Variants in NOS3 observed in about 807,000 individuals in gnomAD.
NOS3 encodes the protein NOS type III.
Under a neutral mutation model 144.9 loss-of-function variants are expected in NOS3, and 98 were observed. The ratio of observed to expected loss-of-function variants is 0.68; its 90% CI spans 0.57 to 0.80. The LOEUF (loss-of-function observed/expected upper bound fraction) is 0.80. Ranked by LOEUF, NOS3 falls within the 30% of genes least tolerant of loss-of-function variation. NOS3 has a pLI of 0.00. For synonymous variants in NOS3, 714 were observed against 702.4 expected (o/e 1.02, Z -0.26); for missense variants, 1,465 against 1,656.4 (o/e 0.88, Z 2.01).
chr7:150,999,164 C>T (rs374042744), intron 8 of NOS3, 26 bp from the exon 9 acceptor site: 7 of 1,610,154 alleles, frequency 4.3e-6, no homozygotes, highest in African/African-American at 4.0e-5. Flanking sequence ...CAAGGGGGTG[C>T]TGATCCCACA....
chr7:150,993,033 G>GC lies in NOS3; in HGVS notation c.-51-716dup, dbSNP rs1802287796. 6.6e-6 allele frequency among the ~76,000 whole-genome samples: 1 copy of GC among 152,154 alleles called. No homozygotes were observed. The highest frequency in any genetic ancestry group is 2.1e-4 in the South Asian group (1 of 4,826). ...GCCCTAGTCTCTCTGCTGACCTGCG[G>GC]CCCCGGGAAGCGTGCGTCACTGAAT... is the stretch of plus-strand genomic sequence containing the variant. On this transcript the variant is annotated intron_variant, in intron 1 of 26. Transcript: ENST00000297494. This position sits in a 1 kb window ranked among gnomAD's most constrained non-coding sequence, Gnocchi z 4.0.
In NOS3 at chr7:150,996,781, C is replaced by T. The variant is rs553156572; in HGVS notation, c.438C>T (p.His146=). 2.0e-5 allele frequency: 32 copies of T among 1,611,726 alleles called. No individual in the cohort carries two copies. Among genetic ancestry groups the T allele is most frequent in the Non-Finnish European group, 2.5e-5 (30 of 1,179,686 alleles). ...SSIKRSGSQA[H]EQRLQEVEAE... ...TCCCCAGGAGCGGCTCCCAGGCCCA[C>T]GAACAGCGGCTTCAAGAGGTGGAAG... The change falls in exon 5 of 27, where the codon CAC becomes CAT. Residue 146 remains histidine, a synonymous_variant. Coordinates refer to ENST00000297494, the MANE Select transcript of NOS3 (RefSeq NM_000603.5).
At chr7:151,004,575 T>C (rs2117124513) in intron 14 of NOS3, among the ~76,000 whole-genome samples, 1 of 152,266 alleles carries the variant, frequency 6.6e-6, no homozygotes, top group South Asian at 2.1e-4. Flanking sequence ...ACTGATAAAT[T>C]GTGGTATATT....
intron 10 of NOS3, among the ~76,000 whole-genome samples, 158 bp downstream of exon 10, chr7:151,000,757 G>A (rs556336222): frequency 3.3e-5 from 5 of 152,286 alleles, no homozygotes; most frequent in South Asian, 4.2e-4. Flanking sequence ...ACTGGCCTGC[G>A]GTTCGGGGAC....
intron 9 of NOS3, among the ~76,000 whole-genome samples, 162 bp from the exon 10 acceptor site, chr7:151,000,336 C>T (rs1018246326): frequency 5.9e-5 from 9 of 152,086 alleles, no homozygotes; most frequent in African/African-American, 1.7e-4. Context: ...GAGGTGCCTT[C>T]GCAGGCAAAA....
rs1468319471 is a variant in NOS3 at position 151,002,418 on chromosome 7, A to T, written c.1752+114A>T. The T allele has an allele frequency of 1.9e-6, 1 of 530,152 alleles. No individual in the cohort carries two copies. Among genetic ancestry groups the T allele is most frequent in the Non-Finnish European group, 3.4e-6 (1 of 293,508 alleles). The allele number at this position is 530,152 out of a possible 1,614,324, so 32.8% of individuals were successfully genotyped here. A position where few individuals can be genotyped will look rare whatever the true frequency, so the allele number is the denominator to read the frequency against. The stretch of plus-strand genomic sequence containing the variant: ...CACACACACACACACACACACACAC[A>T]CACACACACACACACACACACACAC... On this transcript the variant is annotated intron_variant, in intron 14 of 26. Transcript: ENST00000297494. The surrounding 1 kb of genome is among the most constrained non-coding windows in gnomAD (Gnocchi z 4.1).
chr7:151,003,012 T>C lies in NOS3; in HGVS notation c.1752+708T>C. ...GAGTACCATCATTGAATTCCTTCTC[T>C]TGCAAGCTTAGGTATCTCTGAGGTG... is the stretch of plus-strand genomic sequence containing the variant. On this transcript the variant is annotated intron_variant, in intron 14 of 26. Coordinates refer to ENST00000297494, the MANE Select transcript of NOS3 (RefSeq NM_000603.5). This position sits in a 1 kb window ranked among gnomAD's most constrained non-coding sequence, Gnocchi z 4.1. The C allele has an allele frequency of 3.5e-6, 1 of 284,176 alleles. No individual in the cohort carries two copies. Among genetic ancestry groups the C allele is most frequent in the South Asian group, 2.9e-5 (1 of 34,812 alleles). The allele number at this position is 284,176 out of a possible 1,614,324, so 17.6% of individuals were successfully genotyped here. A position where few individuals can be genotyped will look rare whatever the true frequency, so the allele number is the denominator to read the frequency against.
chr7:151,004,483 T>C (rs1046871383), intron 14 of NOS3, among the ~76,000 whole-genome samples: 2 of 152,220 alleles, frequency 1.3e-5, no homozygotes, highest in Non-Finnish European at 2.9e-5. Context: ...ATGGGGTATA[T>C]TCACTAAAAA....
At chr7:151,012,995 G>A in intron 24 of NOS3, 1 of 546,388 alleles carries the variant, frequency 1.8e-6, no homozygotes, top group South Asian at 2.5e-5. Context: ...GCGCATTCTA[G>A]CGCAGCTCCA....
chr7:151,010,814 C>T lies in NOS3; in HGVS notation c.2896+7C>T. 1 of 1,609,330 alleles carries T rather than the reference C, an allele frequency of 6.2e-7. No homozygotes were observed. Among genetic ancestry groups the T allele is most frequent in the Middle Eastern group, 1.7e-4 (1 of 6,056 alleles). ...CTGGCATACAGGACTCAGGGTGAGG[C>T]AACAAGCAGGAGCAGGCCTGGCCAC... On this transcript the variant is annotated splice_region_variant and intron_variant, in intron 22 of 26. Transcript: ENST00000297494.
rs770866374 is a variant in NOS3, at chr7:151,001,807, T to C, written c.1503-14T>C. On this transcript the variant is annotated splice_polypyrimidine_tract_variant and intron_variant, in intron 12 of 26. Transcript: ENST00000297494. ...TGTGCACCCAGGACACCCTCACACC[T>C]TCCTCTCCCGCAGCGCCGTGAAGAT... The C allele has an allele frequency of 1.2e-6, 2 of 1,613,402 alleles. No homozygotes were observed. Among genetic ancestry groups the C allele is most frequent in the African/African-American group, 2.7e-5 (2 of 74,934 alleles).
intron 21 of NOS3, 44 bp downstream of exon 21, chr7:151,010,331 A>G (rs1415652682): frequency 4.5e-6 from 7 of 1,565,402 alleles, no homozygotes; most frequent in Non-Finnish European, 6.1e-6. Flanking sequence ...GAGAGACGGG[A>G]TGAGCTGGGG....
rs962877948 is a variant in NOS3 at position 150,998,055 on chromosome 7, G to A, written c.583-302G>A. 1.3e-5 allele frequency among the ~76,000 whole-genome samples: 2 copies of A among 152,222 alleles called. No homozygotes were observed. The highest frequency in any genetic ancestry group is 2.4e-5 in the African/African-American group (1 of 41,456). ...CTAGGCGGCCTCTTAGACATCCGTT[G>A]GTGCCTAACCCAAGCATCAGTTTGG... is the stretch of plus-strand genomic sequence containing the variant. On this transcript the variant is annotated intron_variant, in intron 5 of 26. Coordinates refer to ENST00000297494, the MANE Select transcript of NOS3 (RefSeq NM_000603.5). The surrounding 1 kb of genome is among the most constrained non-coding windows in gnomAD (Gnocchi z 5.0).
At position 150,999,260 on chromosome 7, in the gene NOS3, A is replaced by G; in HGVS notation, c.1027A>G (p.Ile343Val). The G allele has an allele frequency of 6.2e-7, 1 of 1,612,268 alleles. No individual in the cohort carries two copies. The highest frequency in any genetic ancestry group is 1.3e-5 in the African/African-American group (1 of 75,018). Residue 343 changes from isoleucine (I) to valine (V), a missense_variant, in exon 9 of 27, where the codon ATT becomes GTT. Physicochemically the swap from Ile to Val is conservative, Grantham distance 29. Coordinates refer to ENST00000297494, the MANE Select transcript of NOS3 (RefSeq NM_000603.5). ...LPAVSNMLLE[I>V]GGLEFPAAPF... ...GGCAGTGTCCAACATGCTGCTGGAAATTGGGGGCCTGGAGTTCCCCGCAGC... is the reference window on the plus strand; with the variant it reads ...GGCAGTGTCCAACATGCTGCTGGAAGTTGGGGGCCTGGAGTTCCCCGCAGC...
intron 17 of NOS3, 92 bp from the exon 18 acceptor site, chr7:151,008,838 C>CAGG (rs1214176595): frequency 1.4e-6 from 2 of 1,413,628 alleles, no homozygotes; most frequent in African/African-American, 2.9e-5. Context: ...GCCAACCCCC[C>CAGG]AGGAGCAAGA....
rs566127014 is a variant in NOS3 at position 150,995,965 on chromosome 7, C to T, written c.271-439C>T. 6.9e-3 allele frequency among the ~76,000 whole-genome samples: 43 copies of T among 6,240 alleles called. 5 individuals carry two copies. The highest frequency in any genetic ancestry group is 0.045 in the Middle Eastern group (1 of 22). The allele number at this position is 6,240 out of a possible 152,430, so 4.1% of individuals were successfully genotyped here. A position where few individuals can be genotyped will look rare whatever the true frequency, so the allele number is the denominator to read the frequency against. On this transcript the variant is annotated intron_variant, in intron 3 of 26. Transcript: ENST00000297494. ...CCCTCTCCCCGTCCCATCCCTGCAC[C>T]CTTCCTCCCTCTCCCCGTCCCATCC...
intron 25 of NOS3, 125 bp downstream of exon 25, chr7:151,013,504 G>A: frequency 1.6e-6 from 2 of 1,274,380 alleles, no homozygotes; most frequent in South Asian, 1.5e-5. Flanking sequence ...AGCCACCCCT[G>A]CACACTCTGG....
intron 17 of NOS3, 138 bp downstream of exon 17, chr7:151,007,414 C>T: frequency 2.0e-6 from 2 of 1,013,570 alleles, no homozygotes; most frequent in Middle Eastern, 3.2e-4. Flanking sequence ...CATGGCATAG[C>T]CAGCTCTTCT....
Position 151,002,383 on chromosome 7 carries a change from AACACACACACACACACACAC to A in NOS3, c.1752+130_1752+149del, listed in dbSNP as rs3138808. The A allele has an allele frequency of 0.012, 3,260 of 270,812 alleles. 43 individuals carry two copies. The highest frequency in any genetic ancestry group is 0.019 in the African/African-American group (459 of 24,516). The allele number at this position is 270,812 out of a possible 1,614,324, so 16.8% of individuals were successfully genotyped here. On this transcript the variant is annotated intron_variant, in intron 14 of 26. Coordinates refer to ENST00000297494, the MANE Select transcript of NOS3 (RefSeq NM_000603.5). This position sits in a 1 kb window ranked among gnomAD's most constrained non-coding sequence, Gnocchi z 4.1. ...AGTGACTGGGCAGGAACCTCTGCCC[AACACACACACACACACACAC>A]ACACACACACACACACACACACACA...
Sources: gnomAD v4.1 joint callset for allele counts (sites outside exome capture counted in the v4.1 genomes callset) on GRCh38, gnomAD v4.1.1 for gene constraint, Gnocchi (gnomAD v3.1) non-coding constraint, MANE v1.5 for transcripts, NCBI Gene and HGNC (gene_info 2026-07-23, HGNC 2026-07-21) for gene names.